The following CHIA variants were observed in gnomAD, a reference collection of about 807,000 sequenced individuals.
CHIA encodes the protein acidic mammalian chitinase.
CHIA carries 47 observed loss-of-function variants against 53.5 expected under a neutral mutation model. The observed-to-expected ratio is 0.88, with a 90% confidence interval of 0.70 to 1.12. CHIA has a LOEUF of 1.12. Ranked by LOEUF, CHIA falls within the 50% of genes most tolerant of loss-of-function variation. CHIA has a pLI of 0.00. For synonymous variants in CHIA, 268 were observed against 222.2 expected, an observed-to-expected ratio of 1.21 and a Z score of -1.83; for missense variants, 652 against 592.2, an observed-to-expected ratio of 1.10 and a Z score of -1.05.
intron 1 of CHIA, among the ~76,000 whole-genome samples, chr1:111,299,427 G>T (rs961920609): frequency 1.7e-4 from 26 of 152,174 alleles, no homozygotes; most frequent in African/African-American, 6.3e-4. Flanking sequence ...TGCAAGGCTG[G>T]TTAAACATAT....
chr1:111,315,427 C>G lies in CHIA; in HGVS notation c.472C>G (p.Leu158Val). 6.2e-7 allele frequency: 1 copy of G among 1,612,818 alleles called. No individual in the cohort carries two copies. Among genetic ancestry groups the G allele is most frequent in the Non-Finnish European group, 8.5e-7 (1 of 1,179,450 alleles). ...TCAGGACAAGCATCTCTTCACTGTC[C>G]TGGTGCAGGTGGGGAAGGAAGTCCC... ...PPQDKHLFTV[L>V]VQEMREAFEQ... The change falls in exon 6 of 12, where the codon CTG becomes GTG. Residue 158 changes from leucine to valine, a missense_variant. Leu to Val is a conservative substitution (Grantham distance 32, BLOSUM62 1). Coordinates refer to ENST00000369740, the MANE Select transcript of CHIA (RefSeq NM_201653.4).
chr1:111,315,616 C>T, intron 6 of CHIA, 181 bp downstream of exon 6: 2 of 634,480 alleles, frequency 3.2e-6, no homozygotes, highest in South Asian at 1.9e-5. Context: ...AACAAAGCAA[C>T]ATGTGAGCTC....
At chr1:111,318,741 C>A in intron 9 of CHIA, 63 bp downstream of exon 9, 3 of 1,508,806 alleles carry the variant, frequency 2.0e-6, no homozygotes, top group Non-Finnish European at 2.7e-6. Context: ...GGGCTAGAAT[C>A]TGCTGAAATC....
At position 111,309,266 on chromosome 1, in the gene CHIA, A is replaced by G. The variant is rs201432103; in HGVS notation, c.-68-1134A>G. On this transcript the variant is annotated intron_variant, in intron 1 of 11. Coordinates refer to ENST00000369740, the MANE Select transcript of CHIA (RefSeq NM_201653.4). ...ACAAAACACTTAACCTACCAATCAC[A>G]GGAAGAATGGATACAATTTAGTTTC... 7.2e-5 allele frequency among the ~76,000 whole-genome samples: 11 copies of G among 152,322 alleles called. No homozygotes were observed. The East Asian group carries it at 1.7e-3, about 24-fold the overall frequency.
intron 2 of CHIA, among the ~76,000 whole-genome samples, chr1:111,311,010 T>C (rs1458111363): frequency 1.3e-5 from 2 of 152,218 alleles, no homozygotes; most frequent in Non-Finnish European, 2.9e-5. Context: ...TGTTAGAAAT[T>C]AAATTATTCA....
chr1:111,293,583 AAT>A (rs1385239737), intron 1 of CHIA, among the ~76,000 whole-genome samples: 17 of 152,194 alleles, frequency 1.1e-4, no homozygotes, highest in African/African-American at 3.9e-4. Context: ...AAACATTTAA[AAT>A]ATTCATGAAG....
At position 111,320,339 on chromosome 1, in the gene CHIA, A is replaced by G. The variant is rs1649559062; in HGVS notation, c.1304A>G (p.Asn435Ser). The G allele has an allele frequency of 1.5e-5, 25 of 1,614,102 alleles. No individual in the cohort carries two copies. Among genetic ancestry groups the G allele is most frequent in the Non-Finnish European group, 2.1e-5 (25 of 1,180,040 alleles). Residue 435 changes from asparagine to serine, a missense_variant, in exon 12 of 12, where the codon AAC becomes AGC. Coordinates refer to ENST00000369740, the MANE Select transcript of CHIA (RefSeq NM_201653.4). Reference sequence around the variant, plus strand: ...AGTGGATTCTGTGCTGTCAGAGCCAACGGCCTCTACCCCGTGGCAAATAAC... The same window carrying G: ...AGTGGATTCTGTGCTGTCAGAGCCAGCGGCCTCTACCCCGTGGCAAATAAC... ...GGSGFCAVRA[N>S]GLYPVANNRN... is the part of the protein sequence containing the mutation.
chr1:111,314,147 G>A (rs1471748230), intron 4 of CHIA, among the ~76,000 whole-genome samples: 2 of 152,178 alleles, frequency 1.3e-5, no homozygotes, highest in Non-Finnish European at 2.9e-5. Flanking sequence ...TCAAGAGAAT[G>A]TGTATAATTT....
At chr1:111,294,003 G>A (rs1190368109) in intron 1 of CHIA, among the ~76,000 whole-genome samples, 1 of 152,132 alleles carries the variant, frequency 6.6e-6, no homozygotes, top group Non-Finnish European at 1.5e-5. Context: ...GATTGCTCGA[G>A]CCCAGGAAGT....
intron 1 of CHIA, among the ~76,000 whole-genome samples, chr1:111,303,795 A>G (rs1647961170): frequency 6.6e-6 from 1 of 152,156 alleles, no homozygotes; most frequent in South Asian, 2.1e-4. Flanking sequence ...CAATAATACT[A>G]GCTTTTATAA....
intron 9 of CHIA, 41 bp from the exon 10 acceptor site, chr1:111,319,079 G>A: frequency 6.3e-7 from 1 of 1,588,514 alleles, no homozygotes; most frequent in Non-Finnish European, 8.5e-7. Context: ...TCTTTAATGG[G>A]AGTAACATTT....
rs774377527 is a variant in CHIA, at chr1:111,320,277, G to C, written c.1242G>C (p.Gly414=). Residue 414 remains glycine (G), a synonymous_variant, in exon 12 of 12, where the codon GGG becomes GGC. Coordinates refer to ENST00000369740, the MANE Select transcript of CHIA (RefSeq NM_201653.4). ...ITAAPSGSGN[G]SGSSSSGGSS... ...CTGCTCCCAGTGGCAGCGGGAACGG[G>C]AGCGGGAGTAGCAGCTCTGGAGGCA... is the stretch of plus-strand genomic sequence containing the variant. 6.2e-7 allele frequency: 1 copy of C among 1,614,120 alleles called. No homozygotes were observed. Among genetic ancestry groups the C allele is most frequent in the African/African-American group, 1.3e-5 (1 of 74,946 alleles).
chr1:111,315,556 CAA>C, intron 6 of CHIA, 121 bp downstream of exon 6: 1 of 1,038,814 alleles, frequency 9.6e-7, no homozygotes. Context: ...ATTAGCATTG[CAA>C]AGAGTCTTAT....
Position 111,310,395 on chromosome 1 carries a change from T to C in CHIA, c.-68-5T>C. The C allele has an allele frequency of 1.2e-6, 2 of 1,607,424 alleles. No homozygotes were observed. Among genetic ancestry groups the C allele is most frequent in the South Asian group, 1.1e-5 (1 of 89,528 alleles). On this transcript the variant is annotated splice_region_variant and splice_polypyrimidine_tract_variant and intron_variant, in intron 1 of 11. Transcript: ENST00000369740. ...CACATCTGGGTCAAATTGTTCTCTA[T>C]TTAGAAGCCTTTGTGATAACCACAG...
chr1:111,308,927 T>A (rs555029839), intron 1 of CHIA, among the ~76,000 whole-genome samples: 1 of 152,362 alleles, frequency 6.6e-6, no homozygotes, highest in South Asian at 2.1e-4. Context: ...AAGCACCAAA[T>A]ACAGTCTCTG....
intron 1 of CHIA, among the ~76,000 whole-genome samples, chr1:111,298,772 C>A (rs959486452): frequency 9.2e-5 from 14 of 152,124 alleles, no homozygotes; most frequent in Non-Finnish European, 1.5e-4. Flanking sequence ...ACACAAAAAA[C>A]CCCTCAAAAA....
chr1:111,295,975 G>C (rs1047835152), intron 1 of CHIA, among the ~76,000 whole-genome samples: 2 of 152,264 alleles, frequency 1.3e-5, no homozygotes, highest in African/African-American at 4.8e-5. Context: ...AGCAGTCTGA[G>C]ATTGACCTGT....
At chr1:111,295,719 G>A (rs188539998) in intron 1 of CHIA, among the ~76,000 whole-genome samples, 57 of 152,192 alleles carry the variant, frequency 3.7e-4, no homozygotes, top group Non-Finnish European at 6.6e-4. Flanking sequence ...TGGACAGTGG[G>A]TGCAGCCCAC....
In CHIA at chr1:111,302,617, T is replaced by C. The variant is rs542962120; in HGVS notation, c.-68-7783T>C. 2.6e-5 allele frequency among the ~76,000 whole-genome samples: 4 copies of C among 152,306 alleles called. No homozygotes were observed. In the East Asian group the frequency reaches 7.7e-4, roughly 29 times the overall value. On this transcript the variant is annotated intron_variant, in intron 1 of 11. Coordinates refer to ENST00000369740, the MANE Select transcript of CHIA (RefSeq NM_201653.4). Reference sequence around the variant, plus strand: ...TCCTTTGTGGTTGGAGAAGATACTTTGTATGATCTCTATATTTTTAAATCT... The same window carrying C: ...TCCTTTGTGGTTGGAGAAGATACTTCGTATGATCTCTATATTTTTAAATCT...
Sources: gnomAD v4.1 joint callset for allele counts (sites outside exome capture counted in the v4.1 genomes callset) on GRCh38, gnomAD v4.1.1 for gene constraint, MANE v1.5 for transcripts, NCBI Gene and HGNC (gene_info 2026-07-23, HGNC 2026-07-21) for gene names.